Variants in MAST4 observed in about 807,000 individuals in gnomAD.
The protein encoded by MAST4 is microtubule associated serine/threonine kinase family member 4, also known as microtubule-associated serine/threonine-protein kinase 4.
In MAST4, 89 loss-of-function variants were observed where a neutral mutation model predicts 162.7. The ratio of observed to expected loss-of-function variants is 0.55; its 90% confidence interval spans 0.46 to 0.65. MAST4 has a LOEUF of 0.65. Among genes scored for constraint, MAST4 ranks in the 30% least tolerant of loss-of-function variants. The probability of loss-of-function intolerance (pLI) is 0.00; values close to 1 mark genes in which losing one functional copy is unlikely to be tolerated. For missense variants in MAST4, 3,153 were observed against 3,374.0 expected (o/e 0.93, Z 1.62); for synonymous variants, 1,479 against 1,361.1 (o/e 1.09, Z -1.91).
At chr5:66,864,236 C>T (rs1360966576) in intron 3 of MAST4, among the ~76,000 whole-genome samples, 1 of 152,132 alleles carries the variant, frequency 6.6e-6, no homozygotes, top group Non-Finnish European at 1.5e-5. Context: ...GGGAGCATCC[C>T]TCTTTTAGAG....
chr5:67,068,716 T>A (rs1325728487), intron 5 of MAST4, among the ~76,000 whole-genome samples: 3 of 152,152 alleles, frequency 2.0e-5, no homozygotes, highest in African/African-American at 7.2e-5. Context: ...TTGTTTACAG[T>A]CATTTTGTTG....
chr5:67,165,400 A>G lies in MAST4; in HGVS notation c.6221A>G (p.Lys2074Arg), dbSNP rs201979057. Residue 2074 changes from lysine (K) to arginine (R), a missense_variant, in exon 29 of 29, where the codon AAG becomes AGG. Physicochemically the swap from Lys to Arg is conservative, Grantham distance 26. This residue lies in a region of MAST4 where 1,644 missense variants were observed against 1,495.0 expected (regional missense o/e 1.10). Transcript: ENST00000403625. ...ATTCCCTGTGAGAAGGAGCTGGGCA[A>G]GGTGAGGCGTGGCGTGGAACCCAAG... ...AGIPCEKELG[K>R]VRRGVEPKPE... 1.5e-5 allele frequency: 25 copies of G among 1,613,842 alleles called. No individual in the cohort carries two copies. The East Asian group carries it at 5.1e-4, about 33-fold the overall frequency.
chr5:66,893,363 G>C (rs781062199), intron 3 of MAST4, among the ~76,000 whole-genome samples: 1 of 150,224 alleles, frequency 6.7e-6, no homozygotes, highest in African/African-American at 2.5e-5. Context: ...GTGCCACCAC[G>C]CCCAGCTAAT....
At chr5:67,031,509 G>T (rs1303895344) in intron 4 of MAST4, among the ~76,000 whole-genome samples, 1 of 152,058 alleles carries the variant, frequency 6.6e-6, no homozygotes, top group African/African-American at 2.4e-5. Context: ...TAAAATAAAT[G>T]AATTTGTATT....
At chr5:66,957,292 C>T (rs762443922) in intron 4 of MAST4, among the ~76,000 whole-genome samples, 6 of 151,964 alleles carry the variant, frequency 3.9e-5, no homozygotes, top group East Asian at 3.9e-4. Flanking sequence ...GAACTTTCCC[C>T]GACCAACTTT....
chr5:66,627,543 T>A (rs1374792774), intron 1 of MAST4, among the ~76,000 whole-genome samples: 1 of 152,154 alleles, frequency 6.6e-6, no homozygotes, highest in Non-Finnish European at 1.5e-5. Context: ...CTTTAGAACA[T>A]TGTGTTCGTG....
chr5:66,881,606 C>T (rs1271699532), intron 3 of MAST4, among the ~76,000 whole-genome samples: 1 of 151,968 alleles, frequency 6.6e-6, no homozygotes, highest in Non-Finnish European at 1.5e-5. Context: ...TTGACTTTTC[C>T]CAGTCATCAG....
chr5:67,050,324 A>G (rs1203167138), intron 4 of MAST4, among the ~76,000 whole-genome samples: 2 of 152,196 alleles, frequency 1.3e-5, no homozygotes, highest in African/African-American at 4.8e-5. Flanking sequence ...CCATGCAGAC[A>G]AAACACTTCC....
intron 3 of MAST4, among the ~76,000 whole-genome samples, chr5:66,820,404 C>T (rs1364301984): frequency 6.6e-6 from 1 of 152,124 alleles, no homozygotes; most frequent in Non-Finnish European, 1.5e-5. Context: ...AATGACAATA[C>T]TGCCAACATC....
At chr5:66,699,403 G>A (rs1258343223) in intron 1 of MAST4, among the ~76,000 whole-genome samples, 1 of 152,140 alleles carries the variant, frequency 6.6e-6, no homozygotes, top group Non-Finnish European at 1.5e-5. Context: ...CCTAAGGGGT[G>A]GAACTGTTTT....
At chr5:67,134,479 A>G in intron 17 of MAST4, 44 bp from the exon 18 acceptor site, 1 of 1,563,470 alleles carries the variant, frequency 6.4e-7, no homozygotes, top group Non-Finnish European at 8.7e-7. Context: ...ATTTTAATTC[A>G]TGTCTAATAT....
At chr5:67,029,003 CAT>C (rs1754996344) in intron 4 of MAST4, among the ~76,000 whole-genome samples, 1 of 152,010 alleles carries the variant, frequency 6.6e-6, no homozygotes, top group Non-Finnish European at 1.5e-5. Flanking sequence ...GGCATGGTGT[CAT>C]GTGCCTGTAG....
chr5:66,637,006 G>A (rs1268703115), intron 1 of MAST4, among the ~76,000 whole-genome samples: 1 of 152,216 alleles, frequency 6.6e-6, no homozygotes, highest in Non-Finnish European at 1.5e-5. Flanking sequence ...ATGACCTGGA[G>A]ATAATGCCAC....
intron 1 of MAST4, chr5:66,622,721 A>G (rs1744157472): frequency 6.6e-6 from 1 of 152,252 alleles, no homozygotes; most frequent in Non-Finnish European, 1.5e-5. Context: ...TGATAACTGG[A>G]AAAATCAAAG....
intron 4 of MAST4, among the ~76,000 whole-genome samples, chr5:66,934,960 T>A (rs1742575014): frequency 6.6e-6 from 1 of 152,200 alleles, no homozygotes; most frequent in Non-Finnish European, 1.5e-5. Flanking sequence ...ATAGTTAGGA[T>A]CACGTCCACA....
chr5:66,673,509 TTTTTTTG>T (rs1184970195), intron 1 of MAST4, among the ~76,000 whole-genome samples: 3,629 of 145,042 alleles, frequency 0.025, 117 homozygotes, highest in African/African-American at 0.081. Context: ...ATACGCTAGT[TTTTTTTG>T]TTTTTTGTTT....
intron 5 of MAST4, among the ~76,000 whole-genome samples, chr5:67,087,542 G>A (rs1763376982): frequency 6.6e-6 from 1 of 152,142 alleles, no homozygotes; most frequent in African/African-American, 2.4e-5. Flanking sequence ...CTGTGTTTGG[G>A]TTGTTTCTGA....
intron 1 of MAST4, among the ~76,000 whole-genome samples, chr5:66,672,566 T>A (rs1474013313): frequency 1.3e-5 from 2 of 152,250 alleles, no homozygotes; most frequent in Non-Finnish European, 2.9e-5. Flanking sequence ...ACATAGTATC[T>A]TAAATTACAC....
chr5:66,622,495 C>G (rs1744142666), intron 1 of MAST4, among the ~76,000 whole-genome samples: 1 of 146,030 alleles, frequency 6.8e-6, no homozygotes, highest in Non-Finnish European at 1.5e-5. Flanking sequence ...GTGACAAGAT[C>G]TAATTTTTAA....
Sources: gnomAD v4.1 joint callset for allele counts (sites outside exome capture counted in the v4.1 genomes callset) on GRCh38, gnomAD v4.1.1 for gene constraint, gnomAD v4.1.1 regional missense constraint, MANE v1.5 for transcripts, NCBI Gene and HGNC (gene_info 2026-07-23, HGNC 2026-07-21) for gene names.